The following EFL1 variants were observed in gnomAD, a reference collection of about 807,000 sequenced individuals.
The protein encoded by EFL1 is elongation factor-like GTPase 1.
Under a neutral mutation model 126.7 loss-of-function variants are expected in EFL1, and 76 were observed. The observed-to-expected ratio is 0.60, with a 90% CI of 0.50 to 0.73. The LOEUF (loss-of-function observed/expected upper bound fraction) is 0.73, where lower values mean the gene tolerates loss of function less well. Among genes scored for constraint, EFL1 ranks in the 30% least tolerant of loss-of-function variants. The probability of loss-of-function intolerance (pLI) is 0.00; values close to 1 mark genes in which losing one functional copy is unlikely to be tolerated. For missense variants in EFL1, 1,128 were observed against 1,343.2 expected (o/e 0.84, Z 2.50); for synonymous variants, 410 against 448.4 (o/e 0.91, Z 1.08).
Position 82,191,665 on chromosome 15 carries a change from A to C in EFL1, c.1750+23052T>G, listed in dbSNP as rs1488901718. Among the ~76,000 whole-genome samples the C allele has an allele frequency of 5.3e-5, 8 of 151,736 alleles. No individual in the cohort carries two copies. The East Asian group carries it at 1.5e-3, about 29-fold the overall frequency. On this transcript the variant is annotated intron_variant, in intron 15 of 19. Coordinates refer to ENST00000268206, the MANE Select transcript of EFL1 (RefSeq NM_024580.6). ...GGATCATTTCAGGCCAGTCAGCTTTAATCAAATTACACTCTATCCATACAT... is the reference window on the plus strand; with the variant it reads ...GGATCATTTCAGGCCAGTCAGCTTTCATCAAATTACACTCTATCCATACAT...
At chr15:82,149,757 T>C (rs562297688) in intron 18 of EFL1, among the ~76,000 whole-genome samples, 41 of 152,282 alleles carry the variant, frequency 2.7e-4, no homozygotes, top group Non-Finnish European at 5.3e-4. Context: ...GGAAGAGAGA[T>C]GAATGGTGGT....
intron 19 of EFL1, among the ~76,000 whole-genome samples, chr15:82,130,971 T>C (rs2073636024): frequency 2.0e-5 from 3 of 151,828 alleles, no homozygotes; most frequent in Admixed American, 2.0e-4. Context: ...GCTGAGATCA[T>C]GCCACTGCAC....
At chr15:82,238,124 G>A (rs1378720919) in intron 7 of EFL1, among the ~76,000 whole-genome samples, 183 bp downstream of exon 7, 1 of 152,176 alleles carries the variant, frequency 6.6e-6, no homozygotes, top group Non-Finnish European at 1.5e-5. Flanking sequence ...TTGTACTACA[G>A]TTCTACAAGA....
At chr15:82,157,949 C>T (rs1387271377) in intron 16 of EFL1, 89 bp from the exon 17 acceptor site, 5 of 1,339,360 alleles carry the variant, frequency 3.7e-6, no homozygotes, top group East Asian at 4.9e-5. Flanking sequence ...GGGAAAATTA[C>T]ATTGAAATAA....
At chr15:82,184,514 T>G (rs2074283275) in intron 15 of EFL1, among the ~76,000 whole-genome samples, 1 of 152,182 alleles carries the variant, frequency 6.6e-6, no homozygotes, top group Admixed American at 6.5e-5. Context: ...ACCTGTTCCT[T>G]CTACTACCGC....
chr15:82,179,819 C>T (rs1006316504), intron 15 of EFL1, among the ~76,000 whole-genome samples: 27 of 114,698 alleles, frequency 2.4e-4, no homozygotes, highest in African/African-American at 8.3e-4. Context: ...TGCACAGAAA[C>T]GGGGCGGGGG....
At chr15:82,171,634 G>T (rs1273535865) in intron 15 of EFL1, among the ~76,000 whole-genome samples, 1 of 152,156 alleles carries the variant, frequency 6.6e-6, no homozygotes, top group Non-Finnish European at 1.5e-5. Context: ...CTGAAGATTT[G>T]TAAGACTCAC....
In EFL1 at chr15:82,211,585, A is replaced by G. The variant is rs1180193105; in HGVS notation, c.1750+3132T>C. ...ACACACACACACACACACACACTAG[A>G]CACATACTAGACACACACACACACA... is the stretch of plus-strand genomic sequence containing the variant. On this transcript the variant is annotated intron_variant, in intron 15 of 19. Transcript: ENST00000268206. Among the ~76,000 whole-genome samples the G allele has an allele frequency of 3.4e-4, 19 of 56,352 alleles. 1 individual carries two copies. Among genetic ancestry groups the G allele is most frequent in the Admixed American group, 8.5e-4 (6 of 7,068 alleles). The allele number at this position is 56,352 out of a possible 152,430, so 37.0% of individuals were successfully genotyped here. A position where few individuals can be genotyped will look rare whatever the true frequency, so the allele number is the denominator to read the frequency against.
At position 82,151,753 on chromosome 15, in the gene EFL1, T is replaced by C. The variant is rs1406463094; in HGVS notation, c.2701A>G (p.Lys901Glu). The change falls in exon 18 of 20, where the codon AAA becomes GAA. Residue 901 changes from lysine (K) to glutamate (E), a missense_variant. Physicochemically the swap from Lys to Glu is moderately conservative, Grantham distance 56 (BLOSUM62 1). Around this residue, in one of 6 missense-constraint regions of EFL1, gnomAD observed 561 missense variants for 641.7 expected, o/e 0.87. Coordinates refer to ENST00000268206, the MANE Select transcript of EFL1 (RefSeq NM_024580.6). ...TCACTTGCTCCTTGTTCCTCAAATT[T>C]ACTTAGGTCCCATTTTTCCAGAACA... ...CFVLEKWDLS[K>E]FEEQGASDLA... 6.8e-6 allele frequency: 11 copies of C among 1,614,128 alleles called. No individual in the cohort carries two copies. Among genetic ancestry groups the C allele is most frequent in the Admixed American group, 1.7e-5 (1 of 60,020 alleles).
chr15:82,239,407 A>C (rs990409094), intron 6 of EFL1, among the ~76,000 whole-genome samples: 2 of 152,170 alleles, frequency 1.3e-5, no homozygotes, highest in African/African-American at 4.8e-5. Context: ...AAGCGCTGGG[A>C]TTACAGGTGT....
At chr15:82,163,801 T>C in intron 16 of EFL1, 52 bp downstream of exon 16, 2 of 1,591,692 alleles carry the variant, frequency 1.3e-6, no homozygotes, top group Non-Finnish European at 1.7e-6. Flanking sequence ...AATACATGCA[T>C]ATGCTTTAAA....
In EFL1 at chr15:82,130,287, T is replaced by C. The variant is rs2073623920; in HGVS notation, c.*86A>G. 6 of 1,379,244 alleles carry C rather than the reference T, an allele frequency of 4.4e-6. No individual in the cohort carries two copies. Among genetic ancestry groups the C allele is most frequent in the Non-Finnish European group, 4.9e-6 (5 of 1,016,528 alleles). The allele number at this position is 1,379,244 out of a possible 1,614,324, so 85.4% of individuals were successfully genotyped here. On this transcript the variant is annotated 3_prime_UTR_variant, in exon 20 of 20. Coordinates refer to ENST00000268206, the MANE Select transcript of EFL1 (RefSeq NM_024580.6). The stretch of plus-strand genomic sequence containing the variant: ...TGAAAGTGAATAAACAGAGATAATG[T>C]GGCAAAAAGAAATTTTCCCAATATT...
chr15:82,178,578 C>T (rs181956008), intron 15 of EFL1, among the ~76,000 whole-genome samples: 2 of 152,298 alleles, frequency 1.3e-5, no homozygotes, highest in Admixed American at 6.5e-5. Flanking sequence ...TCTCAATCAG[C>T]GGAGCAATAG....
At chr15:82,254,404 G>A (rs547922811) in intron 3 of EFL1, among the ~76,000 whole-genome samples, 7 of 151,954 alleles carry the variant, frequency 4.6e-5, no homozygotes, top group South Asian at 2.1e-4. Flanking sequence ...GGTATGAAAC[G>A]TGTAATACAT....
chr15:82,183,708 A>G (rs1276592110), intron 15 of EFL1, among the ~76,000 whole-genome samples: 2 of 152,162 alleles, frequency 1.3e-5, no homozygotes, highest in African/African-American at 4.8e-5. Flanking sequence ...TTATCACTGG[A>G]TTTACAATAG....
intron 14 of EFL1, among the ~76,000 whole-genome samples, chr15:82,218,626 G>A (rs768727139): frequency 2.6e-5 from 4 of 152,220 alleles, no homozygotes; most frequent in East Asian, 1.9e-4. Context: ...CACAGATTAC[G>A]TAGATGTATA....
At position 82,220,075 on chromosome 15, in the gene EFL1, T is replaced by G. The variant is rs757680858; in HGVS notation, c.1444+3A>C. 9 of 1,600,036 alleles carry G rather than the reference T, an allele frequency of 5.6e-6. No individual in the cohort carries two copies. In the Admixed American group the frequency reaches 1.1e-4, roughly 19 times the overall value. ...CAACAGAGCCTACTTAGGAAAGCTATACCTCTTGGCTCCTCTCCTTTTGGA... is the reference window on the plus strand; with the variant it reads ...CAACAGAGCCTACTTAGGAAAGCTAGACCTCTTGGCTCCTCTCCTTTTGGA... On this transcript the variant is annotated splice_donor_region_variant and intron_variant, in intron 13 of 19. Transcript: ENST00000268206.
intron 15 of EFL1, among the ~76,000 whole-genome samples, chr15:82,185,966 A>T (rs1354471244): frequency 6.6e-6 from 1 of 152,088 alleles, no homozygotes; most frequent in Non-Finnish European, 1.5e-5. Context: ...GAGACATTTA[A>T]CTATTGTACT....
intron 18 of EFL1, among the ~76,000 whole-genome samples, chr15:82,147,457 C>G (rs915534548): frequency 4.4e-4 from 66 of 151,622 alleles, no homozygotes; most frequent in South Asian, 2.1e-4. Flanking sequence ...TAGCAAAACC[C>G]CATCTCTACT....
Sources: gnomAD v4.1 joint callset for allele counts (sites outside exome capture counted in the v4.1 genomes callset) on GRCh38, gnomAD v4.1.1 for gene constraint, gnomAD v4.1.1 regional missense constraint, MANE v1.5 for transcripts, NCBI Gene and HGNC (gene_info 2026-07-23, HGNC 2026-07-21) for gene names.